Variants in SAR1A observed in about 807,000 individuals in gnomAD.
SAR1A encodes the protein small COPII coat GTPase SAR1A.
A neutral mutation model predicts 22.6 loss-of-function variants in SAR1A; 6 were observed. That is an observed-to-expected ratio of 0.27 (90% confidence interval 0.15 to 0.52). SAR1A has a LOEUF of 0.52. SAR1A is among the 20% of genes least tolerant of loss of function. SAR1A has a pLI of 0.96. For missense variants in SAR1A, 145 were observed against 245.1 expected (o/e 0.59, Z 2.73); for synonymous variants, 70 against 82.2 (o/e 0.85, Z 0.80).
At chr10:70,159,566 A>G (rs745752663) in intron 4 of SAR1A, among the ~76,000 whole-genome samples, 46 of 152,018 alleles carry the variant, frequency 3.0e-4, no homozygotes, top group Non-Finnish European at 1.2e-4. Flanking sequence ...GAGCCCAGGA[A>G]GTAGAGGTTG....
chr10:70,152,357 C>A lies in SAR1A; in HGVS notation c.*119G>T. ...TGAGAGAGTTGACAGAGACTCTTGG[C>A]TTCTCAACGCCAGACATGGTTGGAG... On this transcript the variant is annotated 3_prime_UTR_variant, in exon 7 of 7. Coordinates refer to ENST00000373241, the MANE Select transcript of SAR1A (RefSeq NM_020150.5). 2.1e-6 allele frequency: 2 copies of A among 941,796 alleles called. No individual in the cohort carries two copies. Among genetic ancestry groups the A allele is most frequent in the Non-Finnish European group, 3.4e-6 (2 of 592,628 alleles). 58.3% of individuals were successfully genotyped at this position (941,796 alleles called of 1,614,324 possible).
intron 3 of SAR1A, 119 bp downstream of exon 3, chr10:70,161,500 G>A (rs942899448): frequency 1.7e-5 from 20 of 1,196,460 alleles, no homozygotes; most frequent in African/African-American, 4.6e-5. Flanking sequence ...GAACTTTCTC[G>A]TATGAGTTGG....
At chr10:70,157,718 A>C in intron 5 of SAR1A, 46 bp downstream of exon 5, 1 of 1,459,152 alleles carries the variant, frequency 6.9e-7, no homozygotes, top group Non-Finnish European at 9.5e-7. Context: ...GAGGCCAAAA[A>C]AGAACAAAAT....
At chr10:70,154,517 T>C (rs1839363241) in intron 5 of SAR1A, among the ~76,000 whole-genome samples, 1 of 151,846 alleles carries the variant, frequency 6.6e-6, no homozygotes, top group African/African-American at 2.4e-5. Context: ...TTTTCTTTTT[T>C]CTTAATCTCA....
intron 4 of SAR1A, among the ~76,000 whole-genome samples, 153 bp from the exon 5 acceptor site, chr10:70,158,020 C>A (rs1202171615): frequency 1.3e-5 from 2 of 152,206 alleles, no homozygotes; most frequent in Non-Finnish European, 2.9e-5. Context: ...TAATTCAGAA[C>A]AGAGGATGCA....
intron 1 of SAR1A, 101 bp from the exon 2 acceptor site, chr10:70,162,032 C>T: frequency 1.2e-6 from 1 of 844,552 alleles, no homozygotes; most frequent in Non-Finnish European, 1.9e-6. Context: ...CATTTATAGT[C>T]TCTTGTTTTC....
chr10:70,158,600 C>T (rs987666419), intron 4 of SAR1A, among the ~76,000 whole-genome samples: 5 of 152,128 alleles, frequency 3.3e-5, no homozygotes, highest in Non-Finnish European at 7.3e-5. Context: ...GAATGAATAA[C>T]GAACCATCTC....
At chr10:70,166,185 C>T (rs1329951704) in intron 1 of SAR1A, among the ~76,000 whole-genome samples, 1 of 152,212 alleles carries the variant, frequency 6.6e-6, no homozygotes, top group Non-Finnish European at 1.5e-5. Flanking sequence ...GTGTTACTTG[C>T]TTTACTGTAC....
chr10:70,157,666 T>TA, intron 5 of SAR1A, 98 bp downstream of exon 5: 2 of 763,616 alleles, frequency 2.6e-6, no homozygotes, highest in Non-Finnish European at 4.3e-6. Flanking sequence ...CTGGAATGAC[T>TA]AATTATTGGC....
At chr10:70,155,427 G>A (rs1158512064) in intron 5 of SAR1A, among the ~76,000 whole-genome samples, 1 of 152,186 alleles carries the variant, frequency 6.6e-6, no homozygotes, top group Non-Finnish European at 1.5e-5. Flanking sequence ...AGATAAAGAG[G>A]AATGTACTTT....
intron 6 of SAR1A, among the ~76,000 whole-genome samples, chr10:70,153,466 G>A (rs1419273216): frequency 1.3e-5 from 2 of 152,132 alleles, no homozygotes; most frequent in African/African-American, 2.4e-5. Flanking sequence ...TGCTTGGAAA[G>A]TGATTGAAAT....
intron 4 of SAR1A, among the ~76,000 whole-genome samples, chr10:70,159,858 T>C (rs1027984020): frequency 6.6e-6 from 1 of 152,158 alleles, no homozygotes; most frequent in African/African-American, 2.4e-5. Context: ...ACTCTGTATG[T>C]CTCTAAACAC....
intron 1 of SAR1A, among the ~76,000 whole-genome samples, chr10:70,166,247 C>T (rs1442387487): frequency 1.3e-5 from 2 of 152,164 alleles, no homozygotes; most frequent in Non-Finnish European, 2.9e-5. Flanking sequence ...CCGAGGTATG[C>T]CTACACTTTC....
At position 70,151,281 on chromosome 10, in the gene SAR1A, A is replaced by AAAAC. The variant is rs1839324264; in HGVS notation, c.*1191_*1194dup. ...TACCAAAAAAAAAAAAAAAAAAAAA[A>AAAAC]AAACCTGGAAAAGCTACAGATGTTA... On this transcript the variant is annotated 3_prime_UTR_variant, in exon 7 of 7. Coordinates refer to ENST00000373241, the MANE Select transcript of SAR1A (RefSeq NM_020150.5). 1 of 137,084 alleles carries AAAAC rather than the reference A, an allele frequency of 7.3e-6. No individual in the cohort carries two copies. Among genetic ancestry groups the AAAAC allele is most frequent in the African/African-American group, 2.7e-5 (1 of 37,714 alleles). 8.5% of individuals were successfully genotyped at this position (137,084 alleles called of 1,614,324 possible). A position where few individuals can be genotyped will look rare whatever the true frequency, so the allele number is the denominator to read the frequency against.
At position 70,152,274 on chromosome 10, in the gene SAR1A, C is replaced by A. The variant is rs1839334417; in HGVS notation, c.*202G>T. 7 of 984,928 alleles carry A rather than the reference C, an allele frequency of 7.1e-6. No homozygotes were observed. The highest frequency in any genetic ancestry group is 1.1e-5 in the Non-Finnish European group (7 of 665,536). 61.0% of individuals were successfully genotyped at this position (984,928 alleles called of 1,614,324 possible). On this transcript the variant is annotated 3_prime_UTR_variant, in exon 7 of 7. Transcript: ENST00000373241. ...CCCAGGATACTGACCTGCACCAGCA[C>A]GTGGGGCAGCATTACCTCCCAACAG... is the stretch of plus-strand genomic sequence containing the variant.
intron 1 of SAR1A, among the ~76,000 whole-genome samples, chr10:70,162,198 G>C (rs1361458180): frequency 6.6e-6 from 1 of 151,596 alleles, no homozygotes; most frequent in African/African-American, 2.4e-5. Context: ...AAAATAGCTG[G>C]ACATAATGAC....
intron 5 of SAR1A, chr10:70,157,528 TCACTGTATGATAGAAA>T (rs1161566979): frequency 2.4e-6 from 1 of 419,352 alleles, no homozygotes; most frequent in African/African-American, 2.0e-5. Context: ...GGCCATATAA[TCACTGTATGATAGAAA>T]CAACAGTTAA....
rs533701815 is a variant in SAR1A at position 70,151,787 on chromosome 10, T to C, written c.*689A>G. 6.5e-6 allele frequency: 1 copy of C among 152,884 alleles called. No homozygotes were observed. Among genetic ancestry groups the C allele is most frequent in the African/African-American group, 2.4e-5 (1 of 41,584 alleles). The allele number at this position is 152,884 out of a possible 1,614,324, so 9.5% of individuals were successfully genotyped here. ...TCCACAGTGAACAATCTGCTACACA[T>C]TCCTTGATGAGGAATGAACCTAGCT... On this transcript the variant is annotated 3_prime_UTR_variant, in exon 7 of 7. Transcript: ENST00000373241.
Position 70,151,180 on chromosome 10 carries a change from A to T in SAR1A, c.*1296T>A, listed in dbSNP as rs1238733401. 6.7e-6 allele frequency: 1 copy of T among 149,378 alleles called. No individual in the cohort carries two copies. The highest frequency in any genetic ancestry group is 1.5e-5 in the Non-Finnish European group (1 of 67,712). The allele number at this position is 149,378 out of a possible 1,614,324, so 9.3% of individuals were successfully genotyped here. A position where few individuals can be genotyped will look rare whatever the true frequency, so the allele number is the denominator to read the frequency against. On this transcript the variant is annotated 3_prime_UTR_variant, in exon 7 of 7. Transcript: ENST00000373241. ...ACTGCCAATAAGTGATGCTGCCTCC[A>T]AAGGAACAGCTCTACAGAAAGTTTT... is the stretch of plus-strand genomic sequence containing the variant.
Sources: gnomAD v4.1 joint callset for allele counts (sites outside exome capture counted in the v4.1 genomes callset) on GRCh38, gnomAD v4.1.1 for gene constraint, MANE v1.5 for transcripts, NCBI Gene and HGNC (gene_info 2026-07-23, HGNC 2026-07-21) for gene names.